COL5A3: variants seen among roughly 807,000 people sequenced by gnomAD.
The protein encoded by COL5A3 is collagen type V alpha 3 chain.
In COL5A3, 172 loss-of-function variants were observed where a neutral mutation model predicts 250.0. That is an observed-to-expected ratio of 0.69 (90% CI 0.61 to 0.78). The LOEUF is 0.78. Among genes scored for constraint, COL5A3 ranks in the 30% least tolerant of loss-of-function variants. The pLI is 0.00. For missense variants in COL5A3, 2,340 were observed against 2,334.4 expected, an observed-to-expected ratio of 1.00 and a Z score of -0.05; for synonymous variants, 937 against 900.4, an observed-to-expected ratio of 1.04 and a Z score of -0.73.
chr19:9,969,350 A>G lies in COL5A3; in HGVS notation c.4151T>C (p.Leu1384Pro), dbSNP rs2086795818. The G allele has an allele frequency of 1.3e-6, 2 of 1,595,142 alleles. No individual in the cohort carries two copies. ...CTCAAGGATGAACAAGTCTCTTACC[A>G]GGGGGCCAGGAGGGCCCATCTGTCC... ...APGQMGPPGP[L>P]GPSGLPGLKG... Residue 1384 changes from leucine to proline, a missense_variant and splice_region_variant, in exon 57 of 67, where the codon CTG becomes CCG. This residue lies in a region of COL5A3 where 1,179 missense variants were observed against 1,162.6 expected (regional missense o/e 1.01). Coordinates refer to ENST00000264828, the MANE Select transcript of COL5A3 (RefSeq NM_015719.4).
intron 23 of COL5A3, 65 bp downstream of exon 23, chr19:9,991,723 T>A: frequency 1.2e-6 from 2 of 1,600,918 alleles, no homozygotes; most frequent in Non-Finnish European, 1.7e-6. Flanking sequence ...TTGGGAAGCC[T>A]GGTCACGGTC....
chr19:9,970,555 G>C, intron 54 of COL5A3, 67 bp downstream of exon 54: 1 of 1,091,936 alleles, frequency 9.2e-7, no homozygotes. Context: ...TGTGGGATGA[G>C]TGAGGTCTGT....
intron 51 of COL5A3, 85 bp downstream of exon 51, chr19:9,972,834 C>CAAA (rs33996380): frequency 1.6e-5 from 13 of 805,762 alleles, no homozygotes; most frequent in Admixed American, 6.8e-5. Context: ...GACTCCATCT[C>CAAA]AAAAAAAAAA....
chr19:9,960,690 C>CAGCCACT lies in COL5A3; in HGVS notation c.5051_5052insAGTGGCT (p.Thr1685ValfsTer44). ...GGGGGACGCTGACAGTGGCTGCTGT[C>CAGCCACT]GTCTGGTTGAAAGACAGCTCCTCTC... On this transcript the variant is annotated frameshift_variant, in exon 66 of 67. Coordinates refer to ENST00000264828, the MANE Select transcript of COL5A3 (RefSeq NM_015719.4). LOFTEE classifies it low-confidence loss of function (END_TRUNC). The CAGCCACT allele has an allele frequency of 6.2e-7, 1 of 1,613,920 alleles. No homozygotes were observed. The highest frequency in any genetic ancestry group is 8.5e-7 in the Non-Finnish European group (1 of 1,179,992).
chr19:9,973,135 G>T (rs2086876570), intron 50 of COL5A3, 109 bp from the exon 51 acceptor site: 3 of 967,934 alleles, frequency 3.1e-6, no homozygotes, highest in Non-Finnish European at 4.6e-6. Flanking sequence ...CTGGGGTCAG[G>T]GTTCAGAGTA....
At position 9,968,801 on chromosome 19, in the gene COL5A3, G is replaced by T. The variant is rs1377104378; in HGVS notation, c.4153-73C>A. 1.5e-6 allele frequency: 2 copies of T among 1,294,310 alleles called. No individual in the cohort carries two copies. Among genetic ancestry groups the T allele is most frequent in the Non-Finnish European group, 2.2e-6 (2 of 914,850 alleles). 80.2% of individuals were successfully genotyped at this position (1,294,310 alleles called of 1,614,324 possible). ...AGGTCTGTGTGGGTGGTTAGGGGAT[G>T]GTCAAATGGGAAATTATGCAGATTT... On this transcript the variant is annotated intron_variant, in intron 57 of 66. Coordinates refer to ENST00000264828, the MANE Select transcript of COL5A3 (RefSeq NM_015719.4). This position sits in a 1 kb window ranked among gnomAD's most constrained non-coding sequence, Gnocchi z 4.1.
intron 27 of COL5A3, among the ~76,000 whole-genome samples, chr19:9,988,868 G>GAAAAA (rs367646534): frequency 8.2e-6 from 1 of 122,130 alleles, no homozygotes; most frequent in Admixed American, 8.4e-5. Flanking sequence ...AGAAAGTAAA[G>GAAAAA]AAAAGAAAAG....
chr19:9,996,792 G>A (rs199549250), intron 11 of COL5A3, 103 bp from the exon 12 acceptor site: 32 of 687,268 alleles, frequency 4.7e-5, no homozygotes, highest in Non-Finnish European at 7.2e-5. Flanking sequence ...AGAGAGAGAG[G>A]GAGAGATGGA....
rs1205821367 is a variant in COL5A3, at chr19:10,009,294, G to C, written c.88+1004C>G. Among the ~76,000 whole-genome samples the C allele has an allele frequency of 6.6e-6, 1 of 151,902 alleles. No individual in the cohort carries two copies. Among genetic ancestry groups the C allele is most frequent in the East Asian group, 1.9e-4 (1 of 5,168 alleles). Reference sequence around the variant, plus strand: ...CAGGGAAGCCCCATCTCCAACACTTGAGAAGCTACGCCATCCCCTGACTCC... The same window carrying C: ...CAGGGAAGCCCCATCTCCAACACTTCAGAAGCTACGCCATCCCCTGACTCC... On this transcript the variant is annotated intron_variant, in intron 1 of 66. Transcript: ENST00000264828. The surrounding 1 kb of genome is among the most constrained non-coding windows in gnomAD (Gnocchi z 4.4).
rs1008988501 is a variant in COL5A3 at position 10,007,521 on chromosome 19, G to A, written c.89-1290C>T. Reference sequence around the variant, plus strand: ...GGAACCACATGGCTTGGGCAGGGGCGGGTGGGGGCTTCCCCTGGGCCCCGA... The same window carrying A: ...GGAACCACATGGCTTGGGCAGGGGCAGGTGGGGGCTTCCCCTGGGCCCCGA... On this transcript the variant is annotated intron_variant, in intron 1 of 66. Transcript: ENST00000264828. 1.1e-4 allele frequency among the ~76,000 whole-genome samples: 16 copies of A among 152,332 alleles called. No individual in the cohort carries two copies. In the East Asian group the frequency reaches 1.4e-3, roughly 13 times the overall value.
At chr19:9,986,866 G>A in intron 27 of COL5A3, 108 bp from the exon 28 acceptor site, 1 of 1,222,778 alleles carries the variant, frequency 8.2e-7, no homozygotes, top group Non-Finnish European at 1.2e-6. Context: ...AGGAGGCTAG[G>A]CAGAAGCTGG....
intron 6 of COL5A3, 30 bp downstream of exon 6, chr19:10,003,535 A>T (rs773291070): frequency 3.1e-6 from 5 of 1,611,346 alleles, no homozygotes; most frequent in Non-Finnish European, 4.2e-6. Context: ...GGTGGTCAAA[A>T]CCGGAAGTGA....
At chr19:10,001,711 T>C (rs45553035) in intron 7 of COL5A3, 41 bp from the exon 8 acceptor site, 96,597 of 1,612,874 alleles carry the variant, frequency 0.06, 3,240 homozygotes, top group Admixed American at 0.07. Context: ...CCTGACCTCC[T>C]TATTTTCTGC....
intron 24 of COL5A3, among the ~76,000 whole-genome samples, chr19:9,990,052 TCCCTGG>T (rs879364206): frequency 0.37 from 56,533 of 151,198 alleles, 11,671 homozygotes; most frequent in African/African-American, 0.55. Flanking sequence ...GTGCCCGCCT[TCCCTGG>T]CAGACACACT....
chr19:9,982,066 G>A lies in COL5A3; in HGVS notation c.2459C>T (p.Ser820Leu), dbSNP rs377531269. The change falls in exon 32 of 67, where the codon TCG becomes TTG. Residue 820 changes from serine (S) to leucine (L), a missense_variant and splice_region_variant. Around this residue, in one of 3 missense-constraint regions of COL5A3, gnomAD observed 1,152 missense variants for 1,146.3 expected, o/e 1.00. Transcript: ENST00000264828. ...CCCTTACCCCCGGTCATGACTCACC[G>A]ACTTCCCTTTCTCTCCTATGGGTCC... ...PLGPIGEKGK[S>L]GKTGQPGLEG... 1.8e-5 allele frequency: 29 copies of A among 1,609,458 alleles called. No individual in the cohort carries two copies. The highest frequency in any genetic ancestry group is 1.7e-4 in the Middle Eastern group (1 of 5,770).
chr19:9,971,152 G>A, intron 52 of COL5A3, 53 bp downstream of exon 52: 1 of 1,455,998 alleles, frequency 6.9e-7, no homozygotes, highest in South Asian at 1.3e-5. Flanking sequence ...GGGGTAGGGA[G>A]ATGGGGACAG....
chr19:9,983,699 AAG>A lies in COL5A3; in HGVS notation c.2407-1583_2407-1582del, dbSNP rs967016758. ...AAAAGAAGAAAGAAAGAAGGAAAGA[AAG>A]AGAAAAAAGAAGGAAAAGAAAAGAA... On this transcript the variant is annotated intron_variant, in intron 31 of 66. Coordinates refer to ENST00000264828, the MANE Select transcript of COL5A3 (RefSeq NM_015719.4). 7.9e-5 allele frequency among the ~76,000 whole-genome samples: 12 copies of A among 151,538 alleles called. 1 individual carries two copies. The South Asian group carries it at 2.1e-3, about 27-fold the overall frequency.
chr19:9,995,726 A>G (rs934228016), intron 15 of COL5A3, 109 bp from the exon 16 acceptor site: 7 of 809,938 alleles, frequency 8.6e-6, no homozygotes, highest in South Asian at 6.2e-5. Flanking sequence ...TGCCCAGGCC[A>G]GACACCTGGG....
At chr19:9,999,064 CTTCT>C (rs1284902723) in intron 8 of COL5A3, among the ~76,000 whole-genome samples, 1 of 146,610 alleles carries the variant, frequency 6.8e-6, no homozygotes, top group Non-Finnish European at 1.5e-5. Flanking sequence ...CTTTTTCTTT[CTTCT>C]TTCTTTTTTC....
Sources: gnomAD v4.1 joint callset for allele counts (sites outside exome capture counted in the v4.1 genomes callset) on GRCh38, gnomAD v4.1.1 for gene constraint, gnomAD v4.1.1 regional missense constraint, Gnocchi (gnomAD v3.1) non-coding constraint, MANE v1.5 for transcripts, NCBI Gene and HGNC (gene_info 2026-07-23, HGNC 2026-07-21) for gene names.